IFT80: variants seen among roughly 807,000 people sequenced by gnomAD.
IFT80 encodes intraflagellar transport 80, also known as intraflagellar transport protein 80 homolog.
Under a neutral mutation model 107.9 loss-of-function variants are expected in IFT80, and 79 were observed. That is an observed-to-expected ratio of 0.73 (90% CI 0.61 to 0.88). The LOEUF (loss-of-function observed/expected upper bound fraction) is 0.88, where lower values mean the gene tolerates loss of function less well. IFT80 is among the 40% of genes least tolerant of loss of function. The pLI is 0.00. For synonymous variants in IFT80, 299 were observed against 300.9 expected, an observed-to-expected ratio of 0.99 and a Z score of 0.07; for missense variants, 797 against 914.2, an observed-to-expected ratio of 0.87 and a Z score of 1.65.
chr3:160,302,898 T>G (rs1716548176), intron 11 of IFT80, among the ~76,000 whole-genome samples: 1 of 152,158 alleles, frequency 6.6e-6, no homozygotes, highest in African/African-American at 2.4e-5. Flanking sequence ...CTGATAACTT[T>G]GATACTCATA....
intron 12 of IFT80, among the ~76,000 whole-genome samples, chr3:160,292,274 C>T (rs1200751502): frequency 6.6e-6 from 1 of 152,140 alleles, no homozygotes; most frequent in African/African-American, 2.4e-5. Context: ...AGGAACATAC[C>T]TTACAATCCA....
At chr3:160,308,064 TA>T (rs1716956961) in intron 9 of IFT80, among the ~76,000 whole-genome samples, 1 of 152,118 alleles carries the variant, frequency 6.6e-6, no homozygotes, top group African/African-American at 2.4e-5. Flanking sequence ...TGGAGTGATA[TA>T]AAAAATATTC....
chr3:160,346,952 T>C (rs1720336136), intron 8 of IFT80, among the ~76,000 whole-genome samples: 2 of 152,128 alleles, frequency 1.3e-5, no homozygotes, highest in Admixed American at 1.3e-4. Context: ...GATCCCTCAG[T>C]ATATGTGAGG....
At chr3:160,322,191 C>T (rs1045334838) in intron 8 of IFT80, among the ~76,000 whole-genome samples, 3 of 146,046 alleles carry the variant, frequency 2.1e-5, no homozygotes, top group African/African-American at 5.1e-5. Flanking sequence ...CTCCCTCCCC[C>T]GACCCCACAA....
At chr3:160,310,390 A>G (rs1031173459) in intron 9 of IFT80, among the ~76,000 whole-genome samples, 4 of 152,256 alleles carry the variant, frequency 2.6e-5, no homozygotes, top group Non-Finnish European at 4.4e-5. Flanking sequence ...ACAAGAAAAA[A>G]GAAATTCACT....
chr3:160,362,735 A>C (rs1328635164), intron 6 of IFT80, among the ~76,000 whole-genome samples: 2 of 152,202 alleles, frequency 1.3e-5, no homozygotes, highest in Non-Finnish European at 2.9e-5. Flanking sequence ...AAGAAACGTA[A>C]TCCATCACAT....
intron 18 of IFT80, among the ~76,000 whole-genome samples, chr3:160,269,806 A>T (rs1252142000): frequency 2.6e-5 from 4 of 152,204 alleles, no homozygotes; most frequent in Non-Finnish European, 5.9e-5. Flanking sequence ...AGTCATCATA[A>T]TAGTCAAAAG....
chr3:160,287,509 T>C (rs1359413728), intron 12 of IFT80, among the ~76,000 whole-genome samples: 1 of 152,102 alleles, frequency 6.6e-6, no homozygotes, highest in Non-Finnish European at 1.5e-5. Context: ...CTGAAACATA[T>C]GGTTTGGGAA....
intron 1 of IFT80, among the ~76,000 whole-genome samples, chr3:160,387,236 T>G (rs963007511): frequency 1.3e-5 from 2 of 152,250 alleles, no homozygotes; most frequent in Non-Finnish European, 2.9e-5. Flanking sequence ...CCGGGTGCGG[T>G]GGCTCACGCC....
chr3:160,354,729 T>G (rs1044171997), intron 8 of IFT80, among the ~76,000 whole-genome samples: 1 of 152,128 alleles, frequency 6.6e-6, no homozygotes, highest in Non-Finnish European at 1.5e-5. Context: ...AATCAAAGTA[T>G]TCCATGAAAT....
rs750631593 is a variant in IFT80, at chr3:160,356,126, G to A, written c.664C>T (p.Leu222=). 1 of 1,614,110 alleles carries A rather than the reference G, an allele frequency of 6.2e-7. No homozygotes were observed. The highest frequency in any genetic ancestry group is 8.5e-7 in the Non-Finnish European group (1 of 1,179,974). Residue 222 remains leucine (L), a synonymous_variant, in exon 8 of 20, where the codon CTG becomes TTG. Coordinates refer to ENST00000326448, the MANE Select transcript of IFT80 (RefSeq NM_020800.3). ...YKVWDSYGRP[L]YNSQPHEHPI... Reference sequence around the variant, plus strand: ...TGCTCATGAGGTTGTGAATTGTACAGTGGGCGGCCGTAACTATCCCATACC... The same window carrying A: ...TGCTCATGAGGTTGTGAATTGTACAATGGGCGGCCGTAACTATCCCATACC...
At chr3:160,338,980 T>C (rs752105160) in intron 8 of IFT80, among the ~76,000 whole-genome samples, 4 of 152,200 alleles carry the variant, frequency 2.6e-5, no homozygotes, top group Non-Finnish European at 5.9e-5. Context: ...TTTACTATTA[T>C]GTGCAGTGTA....
intron 12 of IFT80, among the ~76,000 whole-genome samples, chr3:160,298,680 C>T (rs1401039931): frequency 1.3e-5 from 2 of 152,072 alleles, no homozygotes; most frequent in African/African-American, 2.4e-5. Flanking sequence ...AGAAATGTGC[C>T]GTTAGGCAAT....
chr3:160,314,978 GC>G (rs1413016713), intron 9 of IFT80, among the ~76,000 whole-genome samples: 2 of 148,320 alleles, frequency 1.3e-5, no homozygotes, highest in African/African-American at 5.0e-5. Context: ...TGTGATCCAT[GC>G]TTTTTCCAAA....
chr3:160,301,457 A>G (rs1716417050), intron 11 of IFT80, among the ~76,000 whole-genome samples: 1 of 151,946 alleles, frequency 6.6e-6, no homozygotes, highest in Non-Finnish European at 1.5e-5. Flanking sequence ...TATATATTTT[A>G]TAACTAAAGA....
intron 1 of IFT80, 62 bp from the exon 2 acceptor site, chr3:160,384,708 A>G: frequency 2.3e-6 from 3 of 1,300,484 alleles, no homozygotes; most frequent in Non-Finnish European, 3.3e-6. Flanking sequence ...ACGTATACAA[A>G]CACAAAAGGC....
intron 6 of IFT80, among the ~76,000 whole-genome samples, chr3:160,365,631 T>C (rs1489452041): frequency 6.6e-6 from 1 of 152,090 alleles, no homozygotes; most frequent in Non-Finnish European, 1.5e-5. Flanking sequence ...TTAACTCATT[T>C]AATCCTTACA....
chr3:160,324,408 G>C (rs1333378273), intron 8 of IFT80, among the ~76,000 whole-genome samples: 1 of 152,070 alleles, frequency 6.6e-6, no homozygotes, highest in African/African-American at 2.4e-5. Flanking sequence ...GAATCCAGCA[G>C]CACATCAAAA....
At chr3:160,341,955 G>C (rs1576836877) in intron 8 of IFT80, among the ~76,000 whole-genome samples, 1 of 152,162 alleles carries the variant, frequency 6.6e-6, no homozygotes, top group Non-Finnish European at 1.5e-5. Context: ...AGAAAACATA[G>C]AGTAAGTTTG....
Sources: allele counts gnomAD v4.1 joint callset (sites outside exome capture counted in the v4.1 genomes callset), GRCh38; gene constraint gnomAD v4.1.1; transcripts MANE v1.5; gene names NCBI Gene and HGNC (gene_info 2026-07-23, HGNC 2026-07-21).